WWOX: variants seen among roughly 807,000 people sequenced by gnomAD.
WWOX encodes WW domain-containing oxidoreductase.
In WWOX, 69 loss-of-function variants were observed where a neutral mutation model predicts 46.2. That is an observed-to-expected ratio of 1.49 (90% CI 1.23 to 1.82). The LOEUF is 1.82. WWOX is among the 40% of genes most tolerant of loss of function. WWOX has a pLI of 0.00. For missense variants in WWOX, 919 were observed against 542.6 expected (o/e 1.69, Z -6.89); for synonymous variants, 359 against 202.6 (o/e 1.77, Z -6.56).
At chr16:79,164,058 C>G (rs142217051) in intron 8 of WWOX, among the ~76,000 whole-genome samples, 1 of 152,312 alleles carries the variant, frequency 6.6e-6, no homozygotes, top group South Asian at 2.1e-4. Context: ...CAGGCGTGAT[C>G]GCGTTCACCC....
chr16:78,481,158 C>T (rs190570214), intron 8 of WWOX, among the ~76,000 whole-genome samples: 149 of 152,276 alleles, frequency 9.8e-4, no homozygotes, highest in African/African-American at 3.6e-3. Context: ...GAGGTAGTAG[C>T]TAATAGAATG....
intron 8 of WWOX, among the ~76,000 whole-genome samples, chr16:78,598,922 G>T (rs560464455): frequency 2.6e-5 from 4 of 152,136 alleles, no homozygotes; most frequent in East Asian, 1.9e-4. Flanking sequence ...TCAGATTCCC[G>T]CCTCTCAACA....
chr16:78,621,704 A>T (rs1176402870), intron 8 of WWOX, among the ~76,000 whole-genome samples: 1 of 139,000 alleles, frequency 7.2e-6, no homozygotes, highest in African/African-American at 2.7e-5. Context: ...TCGTGGGTTC[A>T]TGCCATTCTC....
At chr16:78,761,010 A>C (rs2049778970) in intron 8 of WWOX, among the ~76,000 whole-genome samples, 1 of 152,214 alleles carries the variant, frequency 6.6e-6, no homozygotes, top group East Asian at 1.9e-4. Context: ...TAGCACAGGA[A>C]AGACCCTCCC....
At chr16:78,756,652 T>G (rs2049655993) in intron 8 of WWOX, among the ~76,000 whole-genome samples, 1 of 152,212 alleles carries the variant, frequency 6.6e-6, no homozygotes, top group Admixed American at 6.5e-5. Context: ...TTTACACTCC[T>G]TTGTTTCACC....
rs140395139 is a variant in WWOX, at chr16:78,260,510, C to G, written c.516+96221C>G. Among the ~76,000 whole-genome samples, 3 of 151,380 alleles carry G rather than the reference C, an allele frequency of 2.0e-5. No individual in the cohort carries two copies. The East Asian group carries it at 5.8e-4, about 29-fold the overall frequency. On this transcript the variant is annotated intron_variant, in intron 5 of 8. Coordinates refer to ENST00000566780, the MANE Select transcript of WWOX (RefSeq NM_016373.4). ...TAAAACCCTGTCTCCACTAAAAATA[C>G]AAAAGAAATTAGCTGGGCATGGTGG...
intron 8 of WWOX, among the ~76,000 whole-genome samples, chr16:78,587,193 CT>C (rs528293412): frequency 0.013 from 1,466 of 112,820 alleles, 6 homozygotes; most frequent in African/African-American, 0.016. Context: ...GCCTGGCTAA[CT>C]TTTTTTTTTT....
rs564885302 is a variant in WWOX at position 78,292,871 on chromosome 16, C to A, written c.517-93989C>A. ...GGATGGGCTAGGAGGGTGAGGATTC[C>A]AAATCAGAATCTTCAAGCCAGTGAT... On this transcript the variant is annotated intron_variant, in intron 5 of 8. Transcript: ENST00000566780. Among the ~76,000 whole-genome samples the A allele has an allele frequency of 2.0e-4, 30 of 152,208 alleles. No individual in the cohort carries two copies. The South Asian group carries it at 6.2e-3, about 32-fold the overall frequency.
chr16:78,710,247 A>C (rs905231634), intron 8 of WWOX, among the ~76,000 whole-genome samples: 33 of 151,592 alleles, frequency 2.2e-4, no homozygotes, highest in East Asian at 9.8e-4. Context: ...GGTTTCCTGA[A>C]TGGCATTGAG....
At chr16:78,799,943 A>G (rs557294646) in intron 8 of WWOX, among the ~76,000 whole-genome samples, 7 of 152,306 alleles carry the variant, frequency 4.6e-5, no homozygotes, top group African/African-American at 7.2e-5. Context: ...CTCAGGCACT[A>G]GTTAGGAACT....
intron 8 of WWOX, among the ~76,000 whole-genome samples, chr16:78,787,663 C>A (rs756341041): frequency 6.6e-6 from 1 of 152,114 alleles, no homozygotes; most frequent in Non-Finnish European, 1.5e-5. Flanking sequence ...CTCCTGTTTT[C>A]CATTCTTGGG....
chr16:78,772,468 G>T (rs953002964), intron 8 of WWOX, among the ~76,000 whole-genome samples: 2 of 151,998 alleles, frequency 1.3e-5, no homozygotes, highest in Non-Finnish European at 2.9e-5. Flanking sequence ...GTTGATTCCA[G>T]TAGACGTGTA....
intron 8 of WWOX, among the ~76,000 whole-genome samples, chr16:79,052,156 A>G (rs941125800): frequency 2.0e-5 from 3 of 151,912 alleles, no homozygotes; most frequent in Non-Finnish European, 2.9e-5. Context: ...GTCATCTAGC[A>G]TTAGGTATAT....
At chr16:78,892,229 T>G (rs2044606030) in intron 8 of WWOX, 1 of 152,108 alleles carries the variant, frequency 6.6e-6, no homozygotes, top group Non-Finnish European at 1.5e-5. Flanking sequence ...AGTCAACCAT[T>G]AGCAACCCTA....
At chr16:78,656,620 C>G (rs558320581) in intron 8 of WWOX, among the ~76,000 whole-genome samples, 2 of 152,222 alleles carry the variant, frequency 1.3e-5, no homozygotes, top group South Asian at 2.1e-4. Flanking sequence ...AATCAGCCCT[C>G]TGATCCAACC....
At chr16:79,052,594 C>A (rs1448842813) in intron 8 of WWOX, among the ~76,000 whole-genome samples, 1 of 152,298 alleles carries the variant, frequency 6.6e-6, no homozygotes, top group African/African-American at 2.4e-5. Flanking sequence ...TTAAAAAGTT[C>A]TAAGTTGCTA....
intron 8 of WWOX, among the ~76,000 whole-genome samples, chr16:78,617,154 G>A (rs1436913310): frequency 6.6e-6 from 1 of 152,148 alleles, no homozygotes; most frequent in Non-Finnish European, 1.5e-5. Context: ...GCTCACGCCT[G>A]TAATCCCAGC....
chr16:78,403,447 C>T (rs747492015), intron 6 of WWOX, among the ~76,000 whole-genome samples: 6 of 152,158 alleles, frequency 3.9e-5, no homozygotes, highest in East Asian at 1.9e-4. Context: ...TAAATAATGG[C>T]TTGTATTGCT....
chr16:78,993,235 G>A (rs2151350533), intron 8 of WWOX, among the ~76,000 whole-genome samples: 1 of 151,006 alleles, frequency 6.6e-6, no homozygotes, highest in East Asian at 2.0e-4. Flanking sequence ...GTAAGCCGAG[G>A]ATAACGGCGC....
Sources: allele counts gnomAD v4.1 joint callset (sites outside exome capture counted in the v4.1 genomes callset), GRCh38; gene constraint gnomAD v4.1.1; transcripts MANE v1.5; gene names NCBI Gene and HGNC (gene_info 2026-07-23, HGNC 2026-07-21).